NIT2: variants seen among roughly 807,000 people sequenced by gnomAD.
The protein encoded by NIT2 is omega-amidase NIT2.
A neutral mutation model predicts 42.7 loss-of-function variants in NIT2; 46 were observed. The ratio of observed to expected loss-of-function variants is 1.08; its 90% CI spans 0.85 to 1.38. The LOEUF (loss-of-function observed/expected upper bound fraction) is 1.38, where lower values mean the gene tolerates loss of function less well. NIT2 is among the 40% of genes most tolerant of loss of function. The pLI, the probability that NIT2 is intolerant of heterozygous loss-of-function variation, is 0.00. For synonymous variants in NIT2, 123 were observed against 121.9 expected (o/e 1.01, Z -0.06); for missense variants, 309 against 342.5 (o/e 0.90, Z 0.77).
intron 7 of NIT2, among the ~76,000 whole-genome samples, chr3:100,352,075 A>G (rs1706280706): frequency 6.6e-6 from 1 of 152,252 alleles, no homozygotes; most frequent in African/African-American, 2.4e-5. Context: ...ATCTCACACC[A>G]GTTAGAATGG....
At chr3:100,355,081 C>G in intron 9 of NIT2, 96 bp from the exon 10 acceptor site, 1 of 909,040 alleles carries the variant, frequency 1.1e-6, no homozygotes, top group Non-Finnish European at 1.8e-6. Flanking sequence ...AAGTTACTTA[C>G]TAAGACTCTG....
chr3:100,347,183 C>T (rs1171576904), intron 6 of NIT2, among the ~76,000 whole-genome samples: 1 of 151,902 alleles, frequency 6.6e-6, no homozygotes, highest in Non-Finnish European at 1.5e-5. Flanking sequence ...GCAACCTCCA[C>T]CTCCCAGGTT....
chr3:100,345,753 T>A (rs1706210308), intron 5 of NIT2, 75 bp downstream of exon 5: 2 of 899,716 alleles, frequency 2.2e-6, no homozygotes, highest in South Asian at 1.5e-5. Flanking sequence ...TTTTTGTCTC[T>A]CTCCGATTTC....
intron 1 of NIT2, 55 bp from the exon 2 acceptor site, chr3:100,339,032 C>A: frequency 1.6e-6 from 2 of 1,233,206 alleles, no homozygotes; most frequent in South Asian, 2.4e-5. Flanking sequence ...ATGGCTCTGT[C>A]TGAATCCAGC....
chr3:100,352,792 C>T (rs980288183), intron 8 of NIT2, among the ~76,000 whole-genome samples: 2 of 152,320 alleles, frequency 1.3e-5, no homozygotes, highest in Middle Eastern at 3.4e-3. Flanking sequence ...GGAAACAAGG[C>T]AGCAGTGACA....
chr3:100,353,989 T>C (rs1706300073), intron 8 of NIT2, among the ~76,000 whole-genome samples: 1 of 152,176 alleles, frequency 6.6e-6, no homozygotes, highest in African/African-American at 2.4e-5. Context: ...TTAGCCAGGC[T>C]GGTCTCGATC....
At position 100,359,331 on chromosome 3, in the gene NIT2, C is replaced by T. The variant is rs1706352134; in HGVS notation, c.*4063C>T. 6.6e-6 allele frequency: 1 copy of T among 152,208 alleles called. No homozygotes were observed. The highest frequency in any genetic ancestry group is 1.5e-5 in the Non-Finnish European group (1 of 68,050). The allele number at this position is 152,208 out of a possible 1,614,324, so 9.4% of individuals were successfully genotyped here. A position where few individuals can be genotyped will look rare whatever the true frequency, so the allele number is the denominator to read the frequency against. On this transcript the variant is annotated 3_prime_UTR_variant, in exon 10 of 10. Coordinates refer to ENST00000394140, the MANE Select transcript of NIT2 (RefSeq NM_020202.5). Reference sequence around the variant, plus strand: ...AGCATATTGAATCCTCCAAGTATATCCCGTTGTGCTAACTAGGCTTTAAGT... The same window carrying T: ...AGCATATTGAATCCTCCAAGTATATTCCGTTGTGCTAACTAGGCTTTAAGT...
chr3:100,339,214 G>T lies in NIT2; in HGVS notation c.126+9G>T. On this transcript the variant is annotated intron_variant, in intron 2 of 9. Transcript: ENST00000394140. ...AAATAGTTTCTTTGCCGGTCAGTAT[G>T]GGAGCAGCCATTCTGTTCTAGCCAC... 6.4e-7 allele frequency: 1 copy of T among 1,553,872 alleles called. No homozygotes were observed. The highest frequency in any genetic ancestry group is 8.9e-7 in the Non-Finnish European group (1 of 1,125,284).
intron 1 of NIT2, among the ~76,000 whole-genome samples, chr3:100,338,439 A>G (rs1231123586): frequency 1.3e-5 from 2 of 152,190 alleles, no homozygotes; most frequent in African/African-American, 2.4e-5. Flanking sequence ...TCCTGTGAAT[A>G]GGCATGTGTG....
intron 8 of NIT2, among the ~76,000 whole-genome samples, chr3:100,352,751 C>G (rs752124989): frequency 7.2e-5 from 11 of 152,202 alleles, no homozygotes; most frequent in Non-Finnish European, 1.3e-4. Flanking sequence ...TTCTGGTGAC[C>G]TTCACTGTCA....
At chr3:100,340,264 C>T (rs1309719572) in intron 3 of NIT2, among the ~76,000 whole-genome samples, 1 of 152,048 alleles carries the variant, frequency 6.6e-6, no homozygotes, top group Non-Finnish European at 1.5e-5. Flanking sequence ...CAGAGTTTCA[C>T]CTTGTTGCCC....
Position 100,352,492 on chromosome 3 carries a change from G to A in NIT2, c.673G>A (p.Val225Met). 2.5e-6 allele frequency: 4 copies of A among 1,612,774 alleles called. No individual in the cohort carries two copies. Among genetic ancestry groups the A allele is most frequent in the Non-Finnish European group, 3.4e-6 (4 of 1,179,066 alleles). ...SYVAWGHSTV[V>M]NPWGEVLAKA... ...TGTTGCCTGGGGACACAGCACCGTG[G>A]TGAACCCTTGGTGAGTAAGGCTAAG... The change falls in exon 8 of 10, where the codon GTG becomes ATG. Residue 225 changes from valine to methionine, a missense_variant. By Grantham distance (21) the Val-to-Met change is conservative. Coordinates refer to ENST00000394140, the MANE Select transcript of NIT2 (RefSeq NM_020202.5).
chr3:100,343,302 C>T (rs994913916), intron 4 of NIT2, among the ~76,000 whole-genome samples: 1 of 151,610 alleles, frequency 6.6e-6, no homozygotes, highest in Admixed American at 6.6e-5. Flanking sequence ...TTTTTCTGTT[C>T]CTTTTTCTTA....
At chr3:100,346,336 A>C in intron 6 of NIT2, 81 bp downstream of exon 6, 1 of 1,254,216 alleles carries the variant, frequency 8.0e-7, no homozygotes, top group Non-Finnish European at 1.1e-6. Context: ...CTTAGTCAAG[A>C]AAAGCTGGGA....
At chr3:100,337,904 A>T (rs1364367627) in intron 1 of NIT2, among the ~76,000 whole-genome samples, 1 of 152,158 alleles carries the variant, frequency 6.6e-6, no homozygotes, top group Non-Finnish European at 1.5e-5. Flanking sequence ...CTCTACAAAA[A>T]ATTACATAAT....
At chr3:100,339,520 T>C (rs887594752) in intron 2 of NIT2, among the ~76,000 whole-genome samples, 2 of 152,176 alleles carry the variant, frequency 1.3e-5, no homozygotes, top group Non-Finnish European at 2.9e-5. Flanking sequence ...TTTAACTAAG[T>C]CTTTATAGAA....
chr3:100,352,574 T>C, intron 8 of NIT2, 72 bp downstream of exon 8: 1 of 1,182,000 alleles, frequency 8.5e-7, no homozygotes, highest in Non-Finnish European at 1.2e-6. Context: ...GCAGATGGGT[T>C]TTCTGGTTCC....
chr3:100,337,643 G>A (rs530047413), intron 1 of NIT2, among the ~76,000 whole-genome samples: 3 of 152,164 alleles, frequency 2.0e-5, no homozygotes, highest in Non-Finnish European at 4.4e-5. Flanking sequence ...TAGTAGAGAC[G>A]GGGTTTCACC....
intron 1 of NIT2, 186 bp downstream of exon 1, chr3:100,334,984 G>A: frequency 3.4e-6 from 2 of 589,174 alleles, no homozygotes; most frequent in South Asian, 1.8e-5. Context: ...GCACTCCCGG[G>A]ATTCCAGGCT....
Sources: gnomAD v4.1 joint callset for allele counts (sites outside exome capture counted in the v4.1 genomes callset) on GRCh38, gnomAD v4.1.1 for gene constraint, MANE v1.5 for transcripts, NCBI Gene and HGNC (gene_info 2026-07-23, HGNC 2026-07-21) for gene names.